PEX14: variants seen among roughly 807,000 people sequenced by gnomAD.
The protein encoded by PEX14 is peroxisomal biogenesis factor 14, also known as peroxisomal membrane protein PEX14.
Under a neutral mutation model 49.5 loss-of-function variants are expected in PEX14, and 15 were observed. That is an observed-to-expected ratio of 0.30 (90% CI 0.20 to 0.47). The LOEUF (loss-of-function observed/expected upper bound fraction) is 0.47, where lower values mean the gene tolerates loss of function less well. PEX14 is among the 20% of genes least tolerant of loss of function. The pLI, the probability that PEX14 is intolerant of heterozygous loss-of-function variation, is 1.00. For synonymous variants in PEX14, 210 were observed against 212.7 expected (o/e 0.99, Z 0.11); for missense variants, 398 against 494.8 (o/e 0.80, Z 1.86).
intron 4 of PEX14, among the ~76,000 whole-genome samples, chr1:10,615,362 G>A (rs1454277347): frequency 1.3e-5 from 2 of 152,180 alleles, no homozygotes; most frequent in African/African-American, 2.4e-5. Flanking sequence ...GTAGAAAAGT[G>A]GAGAGCATAC....
intron 2 of PEX14, among the ~76,000 whole-genome samples, chr1:10,535,237 T>C (rs1570226168): frequency 6.6e-6 from 1 of 152,060 alleles, no homozygotes; most frequent in African/African-American, 2.4e-5. Context: ...GTGTCTGGGG[T>C]GGAAAGTAGA....
intron 3 of PEX14, among the ~76,000 whole-genome samples, chr1:10,565,409 G>T (rs1328783260): frequency 8.2e-6 from 1 of 121,384 alleles, no homozygotes; most frequent in Non-Finnish European, 1.9e-5. Flanking sequence ...CTAGGGTATA[G>T]CCCTCTATGG....
At chr1:10,509,672 T>A (rs909745080) in intron 2 of PEX14, among the ~76,000 whole-genome samples, 2 of 152,128 alleles carry the variant, frequency 1.3e-5, no homozygotes, top group African/African-American at 2.4e-5. Context: ...GCCGTGTTTG[T>A]TTTTGCAGTT....
intron 7 of PEX14, 137 bp downstream of exon 7, chr1:10,624,574 C>T: frequency 1.4e-6 from 1 of 696,080 alleles, no homozygotes; most frequent in Non-Finnish European, 2.7e-6. Flanking sequence ...ACAGCCGTGG[C>T]CGATGCTGCC....
chr1:10,542,499 C>T (rs749102795), intron 3 of PEX14, among the ~76,000 whole-genome samples: 21 of 152,212 alleles, frequency 1.4e-4, no homozygotes, highest in Non-Finnish European at 2.5e-4. Context: ...CGGTGGCTCA[C>T]GCCTATAATC....
At chr1:10,478,773 T>G (rs1317507782) in intron 1 of PEX14, among the ~76,000 whole-genome samples, 3 of 147,194 alleles carry the variant, frequency 2.0e-5, no homozygotes, top group Admixed American at 6.8e-5. Context: ...TGAGACAGAG[T>G]CTCGCTCTGT....
chr1:10,584,685 T>G (rs886099158), intron 3 of PEX14, among the ~76,000 whole-genome samples: 1 of 152,234 alleles, frequency 6.6e-6, no homozygotes, highest in Non-Finnish European at 1.5e-5. Context: ...TCAGAAATTA[T>G]TTCATAACAG....
chr1:10,520,696 C>T (rs904388478), intron 2 of PEX14, among the ~76,000 whole-genome samples: 3 of 152,194 alleles, frequency 2.0e-5, no homozygotes, highest in African/African-American at 7.2e-5. Flanking sequence ...TCAAATCACT[C>T]GTGAATCCAG....
chr1:10,504,932 C>T (rs1383996926), intron 2 of PEX14, among the ~76,000 whole-genome samples: 4 of 151,792 alleles, frequency 2.6e-5, no homozygotes, highest in East Asian at 1.9e-4. Flanking sequence ...TACAGGTGTG[C>T]GCCACCACAC....
At chr1:10,485,237 C>A (rs1641347261) in intron 1 of PEX14, among the ~76,000 whole-genome samples, 1 of 145,532 alleles carries the variant, frequency 6.9e-6, no homozygotes, top group Admixed American at 6.9e-5. Flanking sequence ...AAGAAACTGT[C>A]TAAATTGTCT....
intron 2 of PEX14, among the ~76,000 whole-genome samples, chr1:10,525,436 C>T (rs576565117): frequency 6.6e-6 from 1 of 152,196 alleles, no homozygotes; most frequent in Non-Finnish European, 1.5e-5. Flanking sequence ...AAGGGTGTGA[C>T]CTGTATTAGA....
Position 10,613,625 on chromosome 1 carries a change from A to G in PEX14, c.299-4707A>G, listed in dbSNP as rs1641332972. ...TTGGTACTGGTGAGGAACCCCTGCC[A>G]CGCAGCTAGGGCGCCGGTCCTTAGA... On this transcript the variant is annotated intron_variant, in intron 4 of 8. Coordinates refer to ENST00000356607, the MANE Select transcript of PEX14 (RefSeq NM_004565.3). The surrounding 1 kb of genome is among the most constrained non-coding windows in gnomAD (Gnocchi z 5.0). 6.6e-6 allele frequency among the ~76,000 whole-genome samples: 1 copy of G among 152,202 alleles called. No individual in the cohort carries two copies. Among genetic ancestry groups the G allele is most frequent in the South Asian group, 2.1e-4 (1 of 4,830 alleles).
intron 3 of PEX14, among the ~76,000 whole-genome samples, chr1:10,564,871 A>G (rs1266150661): frequency 7.0e-6 from 1 of 142,518 alleles, no homozygotes; most frequent in Non-Finnish European, 1.5e-5. Context: ...TTTTAAATTC[A>G]TTTTCCCCCA....
intron 3 of PEX14, among the ~76,000 whole-genome samples, chr1:10,555,346 C>T (rs1486454024): frequency 1.3e-5 from 2 of 152,050 alleles, no homozygotes; most frequent in Non-Finnish European, 2.9e-5. Flanking sequence ...GAAGAGCCTT[C>T]CTTCTTCCCT....
intron 3 of PEX14, among the ~76,000 whole-genome samples, chr1:10,561,002 C>T (rs1301109330): frequency 1.3e-5 from 2 of 152,098 alleles, no homozygotes; most frequent in Non-Finnish European, 2.9e-5. Context: ...CAGGGGTAAG[C>T]CACTGTGCCT....
chr1:10,525,436 C>G (rs576565117), intron 2 of PEX14, among the ~76,000 whole-genome samples: 1 of 152,314 alleles, frequency 6.6e-6, no homozygotes, highest in African/African-American at 2.4e-5. Flanking sequence ...AAGGGTGTGA[C>G]CTGTATTAGA....
Position 10,532,477 on chromosome 1 carries a change from C to T in PEX14, c.85-3736C>T, listed in dbSNP as rs549496676. ...TTGATTAAACTAGCTATTGGTAATTCGAGGTGCACTCATTAAGAACTCAGT... is the reference window on the plus strand; with the variant it reads ...TTGATTAAACTAGCTATTGGTAATTTGAGGTGCACTCATTAAGAACTCAGT... On this transcript the variant is annotated intron_variant, in intron 2 of 8. Coordinates refer to ENST00000356607, the MANE Select transcript of PEX14 (RefSeq NM_004565.3). Among the ~76,000 whole-genome samples, 3 of 152,102 alleles carry T rather than the reference C, an allele frequency of 2.0e-5. No homozygotes were observed. In the East Asian group the frequency reaches 5.8e-4, roughly 29 times the overall value.
intron 3 of PEX14, among the ~76,000 whole-genome samples, chr1:10,543,647 C>T (rs1042486510): frequency 3.3e-5 from 5 of 152,084 alleles, no homozygotes; most frequent in East Asian, 3.9e-4. Flanking sequence ...AACAGTATTG[C>T]CTAGGCTGGA....
chr1:10,490,861 C>T (rs750248414), intron 1 of PEX14, among the ~76,000 whole-genome samples: 11 of 151,920 alleles, frequency 7.2e-5, no homozygotes, highest in Non-Finnish European at 1.3e-4. Flanking sequence ...TGCCACCATG[C>T]GTGGCAAATT....
Sources: allele counts gnomAD v4.1 joint callset (sites outside exome capture counted in the v4.1 genomes callset), GRCh38; gene constraint gnomAD v4.1.1; non-coding constraint Gnocchi (gnomAD v3.1); transcripts MANE v1.5; gene names NCBI Gene and HGNC (gene_info 2026-07-23, HGNC 2026-07-21).